The following LRP5 variants were observed in gnomAD, a reference collection of about 807,000 sequenced individuals.
The protein encoded by LRP5 is low-density lipoprotein receptor-related protein 5.
A neutral mutation model predicts 154.1 loss-of-function variants in LRP5; 62 were observed. That is an observed-to-expected ratio of 0.40 (90% confidence interval 0.33 to 0.50). LRP5 has a LOEUF of 0.50. Among genes scored for constraint, LRP5 ranks in the 20% least tolerant of loss-of-function variants. The probability of loss-of-function intolerance (pLI) is 0.55; values close to 1 mark genes in which losing one functional copy is unlikely to be tolerated. For missense variants in LRP5, 1,915 were observed against 2,336.7 expected (o/e 0.82, Z 3.72); for synonymous variants, 966 against 1,011.5 (o/e 0.96, Z 0.85).
intron 13 of LRP5, among the ~76,000 whole-genome samples, chr11:68,417,430 T>C (rs1565095689): frequency 6.9e-6 from 1 of 145,632 alleles, no homozygotes; most frequent in Non-Finnish European, 1.5e-5. Flanking sequence ...TAATACATCA[T>C]TGCATTGGAA....
chr11:68,335,774 G>A (rs2153122341), intron 1 of LRP5, among the ~76,000 whole-genome samples: 1 of 152,286 alleles, frequency 6.6e-6, no homozygotes, highest in East Asian at 1.9e-4. Context: ...ACAGTGATGT[G>A]GAAAGCATGG....
chr11:68,372,978 CA>C lies in LRP5; in HGVS notation c.1015+7278del, dbSNP rs2098635133. ...ACATCCAGAGTCCCCAGCCCCACCC[CA>C]ACCCAACGCACCCACTCCACCAGAA... On this transcript the variant is annotated intron_variant, in intron 5 of 22. Coordinates refer to ENST00000294304, the MANE Select transcript of LRP5 (RefSeq NM_002335.4). Among the ~76,000 whole-genome samples the C allele has an allele frequency of 2.0e-5, 3 of 152,036 alleles. No homozygotes were observed. In the South Asian group the frequency reaches 6.2e-4, roughly 32 times the overall value.
chr11:68,366,485 T>A (rs77832930), intron 5 of LRP5, among the ~76,000 whole-genome samples: 3,397 of 152,208 alleles, frequency 0.022, 134 homozygotes, highest in African/African-American at 0.078. Flanking sequence ...AGGAACAGTT[T>A]CCTGGTCCCC....
rs576490391 is a variant in LRP5 at position 68,380,468 on chromosome 11, C to T, written c.1016-5848C>T. Among the ~76,000 whole-genome samples, 568 of 152,266 alleles carry T rather than the reference C, an allele frequency of 3.7e-3. 2 individuals are homozygous for T. Among genetic ancestry groups the T allele is most frequent in the Non-Finnish European group, 6.4e-3 (437 of 68,026 alleles). On this transcript the variant is annotated intron_variant, in intron 5 of 22. Transcript: ENST00000294304. ...CTCTGGCCCTTCCCAGAGTGCTTGC[C>T]GACCTCTGTCCGACAGCTAGAAGGA...
chr11:68,431,328 C>G (rs2098671789), intron 17 of LRP5, among the ~76,000 whole-genome samples: 1 of 149,998 alleles, frequency 6.7e-6, no homozygotes, highest in African/African-American at 2.5e-5. Context: ...CAACCTCTAC[C>G]TCCTGGGTTC....
intron 1 of LRP5, among the ~76,000 whole-genome samples, chr11:68,313,758 C>T (rs1205395922): frequency 6.6e-6 from 1 of 152,266 alleles, no homozygotes; most frequent in East Asian, 1.9e-4. Flanking sequence ...CTGTGCACGC[C>T]GCGGCTCCTG....
chr11:68,346,141 G>A (rs1318367445), intron 1 of LRP5, among the ~76,000 whole-genome samples: 3 of 152,200 alleles, frequency 2.0e-5, no homozygotes, highest in Non-Finnish European at 4.4e-5. Flanking sequence ...TCTCTCGATA[G>A]TGTCTTTTGA....
intron 1 of LRP5, among the ~76,000 whole-genome samples, chr11:68,342,642 C>T (rs1047940131): frequency 3.9e-5 from 6 of 152,136 alleles, no homozygotes; most frequent in African/African-American, 7.2e-5. Flanking sequence ...GAAGCCGGAG[C>T]GGCTCCTGGA....
chr11:68,337,994 CCTTTT>C (rs1232254860), intron 1 of LRP5, among the ~76,000 whole-genome samples: 2 of 152,186 alleles, frequency 1.3e-5, no homozygotes, highest in Non-Finnish European at 2.9e-5. Flanking sequence ...ATTCATCCCA[CCTTTT>C]CTTCTTGGGT....
intron 1 of LRP5, among the ~76,000 whole-genome samples, chr11:68,343,227 G>A (rs1169060484): frequency 6.6e-6 from 1 of 152,220 alleles, no homozygotes; most frequent in Non-Finnish European, 1.5e-5. Context: ...TGTCATTGTT[G>A]TCCAAGGAAG....
intron 16 of LRP5, 47 bp downstream of exon 16, chr11:68,426,234 G>A (rs375888506): frequency 8.3e-5 from 127 of 1,536,556 alleles, no homozygotes; most frequent in Non-Finnish European, 1.1e-4. Context: ...CTCTAAACCC[G>A]ACCCCTGGAG....
intron 10 of LRP5, among the ~76,000 whole-genome samples, chr11:68,410,377 G>A (rs141688769): frequency 6.6e-5 from 10 of 152,300 alleles, no homozygotes; most frequent in South Asian, 2.1e-4. Context: ...CACCTGGGCC[G>A]TCTCACCGAA....
At chr11:68,332,197 C>CA (rs1048382125) in intron 1 of LRP5, among the ~76,000 whole-genome samples, 6 of 152,218 alleles carry the variant, frequency 3.9e-5, no homozygotes, top group African/African-American at 1.4e-4. Flanking sequence ...TGGGAAGAGG[C>CA]AAACTGTCCT....
At chr11:68,319,490 C>T (rs1461304766) in intron 1 of LRP5, among the ~76,000 whole-genome samples, 5 of 152,174 alleles carry the variant, frequency 3.3e-5, no homozygotes, top group East Asian at 1.9e-4. Flanking sequence ...GTTGGGATTA[C>T]AGGCATGAGC....
chr11:68,441,441 G>A (rs533883755), intron 21 of LRP5, among the ~76,000 whole-genome samples: 7 of 152,334 alleles, frequency 4.6e-5, no homozygotes, highest in African/African-American at 1.7e-4. Flanking sequence ...AGCAGAAGAG[G>A]GTTCTTCTTG....
intron 22 of LRP5, chr11:68,446,915 C>G (rs948066439): frequency 1.7e-5 from 6 of 354,082 alleles, no homozygotes; most frequent in Admixed American, 1.1e-4. Flanking sequence ...CTTGGTGGCT[C>G]TGTCCTCTTA....
chr11:68,310,325 C>A (rs2098586989), upstream of LRP5, among the ~76,000 whole-genome samples: 1 of 152,116 alleles, frequency 6.6e-6, no homozygotes, highest in Admixed American at 6.6e-5. Context: ...GATGGCCCCT[C>A]TCTGTAGTCC....
intron 2 of LRP5, among the ~76,000 whole-genome samples, chr11:68,356,515 T>C (rs1034194548): frequency 3.3e-5 from 5 of 152,192 alleles, no homozygotes; most frequent in Non-Finnish European, 7.4e-5. Flanking sequence ...CAGCAGGTAC[T>C]GAGTTCCTAT....
chr11:68,350,597 AG>A (rs1358308476), intron 2 of LRP5, among the ~76,000 whole-genome samples: 1 of 152,142 alleles, frequency 6.6e-6, no homozygotes, highest in African/African-American at 2.4e-5. Flanking sequence ...GCCGGGCGGG[AG>A]GGGCTGGTTG....
Sources: gnomAD v4.1 joint callset for allele counts (sites outside exome capture counted in the v4.1 genomes callset) on GRCh38, gnomAD v4.1.1 for gene constraint, MANE v1.5 for transcripts, NCBI Gene and HGNC (gene_info 2026-07-23, HGNC 2026-07-21) for gene names.